Variants in GCGR observed in about 807,000 individuals in gnomAD.
GCGR encodes the protein glucagon receptor.
In GCGR, 41 loss-of-function variants were observed where a neutral mutation model predicts 56.1. The observed-to-expected ratio is 0.73, with a 90% CI of 0.57 to 0.95. The LOEUF is 0.95. GCGR is among the 40% of genes least tolerant of loss of function. The pLI, the probability that GCGR is intolerant of heterozygous loss-of-function variation, is 0.00. For missense variants in GCGR, 595 were observed against 638.2 expected (o/e 0.93, Z 0.73); for synonymous variants, 278 against 271.1 (o/e 1.03, Z -0.25).
intron 2 of GCGR, among the ~76,000 whole-genome samples, chr17:81,809,305 T>A (rs1349760157): frequency 2.0e-5 from 3 of 149,488 alleles, no homozygotes; most frequent in Non-Finnish European, 4.5e-5. Context: ...CCTGTCTGTC[T>A]GCCTGTCCAT....
At position 81,804,551 on chromosome 17, in the gene GCGR, GGCGGCCACACTGCA is replaced by G. The variant is rs909576850; in HGVS notation, c.-178+314_-178+327del. Among the ~76,000 whole-genome samples, 2 of 151,634 alleles carry G rather than the reference GGCGGCCACACTGCA, an allele frequency of 1.3e-5. No homozygotes were observed. The highest frequency in any genetic ancestry group is 2.9e-5 in the Non-Finnish European group (2 of 67,832). Reference sequence around the variant, plus strand: ...TGTCGCTGGCCGCCTGGCGCCCTGCGGCGGCCACACTGCAGCGGCCACACTCCCCACTCAGGGCC... The same window carrying G: ...TGTCGCTGGCCGCCTGGCGCCCTGCGGCGGCCACACTCCCCACTCAGGGCC... On this transcript the variant is annotated intron_variant, in intron 1 of 13. Coordinates refer to ENST00000400723, the MANE Select transcript of GCGR (RefSeq NM_000160.5). This position sits in a 1 kb window ranked among gnomAD's most constrained non-coding sequence, Gnocchi z 8.2.
chr17:81,809,765 G>A lies in GCGR; in HGVS notation c.61-17G>A, dbSNP rs371008355. ...TGTCTGTCTGTCTGTCTGGTTGCTT[G>A]TGCATGTGTCCCCCAGCCACAGGTC... On this transcript the variant is annotated splice_polypyrimidine_tract_variant and intron_variant, in intron 2 of 13. Transcript: ENST00000400723. The A allele has an allele frequency of 1.4e-5, 21 of 1,530,766 alleles. No homozygotes were observed. Among genetic ancestry groups the A allele is most frequent in the South Asian group, 6.0e-5 (5 of 83,966 alleles). 94.8% of individuals were successfully genotyped at this position (1,530,766 alleles called of 1,614,324 possible). A position where few individuals can be genotyped will look rare whatever the true frequency, so the allele number is the denominator to read the frequency against.
rs988879525 is a variant in GCGR at position 81,812,691 on chromosome 17, C to T, written c.1037+26C>T. On this transcript the variant is annotated intron_variant, in intron 11 of 13. Coordinates refer to ENST00000400723, the MANE Select transcript of GCGR (RefSeq NM_000160.5). The surrounding 1 kb of genome is among the most constrained non-coding windows in gnomAD (Gnocchi z 8.5). ...GTGGGTGCCGCGGCAGCTGGCGTCTCGAGACCTGGAGACCCTCAGGGCCAG... is the reference window on the plus strand; with the variant it reads ...GTGGGTGCCGCGGCAGCTGGCGTCTTGAGACCTGGAGACCCTCAGGGCCAG... 2.0e-6 allele frequency: 3 copies of T among 1,531,252 alleles called. No individual in the cohort carries two copies. Among genetic ancestry groups the T allele is most frequent in the East Asian group, 2.5e-5 (1 of 40,738 alleles). 94.9% of individuals were successfully genotyped at this position (1,531,252 alleles called of 1,614,324 possible).
intron 1 of GCGR, among the ~76,000 whole-genome samples, 161 bp from the exon 2 acceptor site, chr17:81,808,681 G>C (rs1334170487): frequency 6.6e-6 from 1 of 152,080 alleles, no homozygotes; most frequent in African/African-American, 2.4e-5. Context: ...CACCACGCCT[G>C]GCTAATTTTT....
chr17:81,811,911 C>T lies in GCGR; in HGVS notation c.843C>T (p.Pro281=). Reference sequence around the variant, plus strand: ...GTGCCCCCATGCTGTTCGTCGTCCCCTGGGCAGTGGTCAAGTGTCTGTTCG... The same window carrying T: ...GTGCCCCCATGCTGTTCGTCGTCCCTTGGGCAGTGGTCAAGTGTCTGTTCG... The part of the protein sequence containing the change: ...GWGAPMLFVV[P]WAVVKCLFEN... The change falls in exon 9 of 14, where the codon CCC becomes CCT. Residue 281 remains proline (P), a synonymous_variant. Coordinates refer to ENST00000400723, the MANE Select transcript of GCGR (RefSeq NM_000160.5). This position sits in a 1 kb window ranked among gnomAD's most constrained non-coding sequence, Gnocchi z 5.8. 6.5e-7 allele frequency: 1 copy of T among 1,537,118 alleles called. No homozygotes were observed. The highest frequency in any genetic ancestry group is 1.2e-5 in the South Asian group (1 of 84,058).
In GCGR at chr17:81,811,947, G is replaced by A. The variant is rs1196700266; in HGVS notation, c.878+1G>A. ...TCAAGTGTCTGTTCGAGAACGTCCA[G>A]TGAGTATGAGCGGCTGGACAGCCTG... On this transcript the variant is annotated splice_donor_variant, in intron 9 of 13. Transcript: ENST00000400723. LOFTEE classifies it high-confidence loss of function. The surrounding 1 kb of genome is among the most constrained non-coding windows in gnomAD (Gnocchi z 5.8). 6.5e-7 allele frequency: 1 copy of A among 1,537,038 alleles called. No individual in the cohort carries two copies. The highest frequency in any genetic ancestry group is 1.2e-5 in the South Asian group (1 of 84,060).
rs757412889 is a variant in GCGR, at chr17:81,810,829, G to C, written c.168G>C (p.Leu56=). ...CTGCCCTACCCTACCCTGCAGAGCT[G>C]GTGTGCAACAGAACCTTCGACAAGT... The part of the protein sequence containing the change: ...NLSLLPPPTE[L]VCNRTFDKYS... Residue 56 remains leucine, a synonymous_variant, in exon 4 of 14, where the codon CTG becomes CTC. Transcript: ENST00000400723. This position sits in a 1 kb window ranked among gnomAD's most constrained non-coding sequence, Gnocchi z 4.6. 2.0e-6 allele frequency: 3 copies of C among 1,536,776 alleles called. No individual in the cohort carries two copies. Among genetic ancestry groups the C allele is most frequent in the Non-Finnish European group, 8.7e-7 (1 of 1,146,924 alleles).
chr17:81,806,306 C>G lies in GCGR; in HGVS notation c.-178+2057C>G, dbSNP rs2037964091. On this transcript the variant is annotated intron_variant, in intron 1 of 13. Transcript: ENST00000400723. This position sits in a 1 kb window ranked among gnomAD's most constrained non-coding sequence, Gnocchi z 6.5. ...CAGTGGAGAATTGCCTCCCACCTCA[C>G]CTCTTGTATTCAGAGGCCCTGACCC... is the stretch of plus-strand genomic sequence containing the variant. Among the ~76,000 whole-genome samples, 1 of 152,152 alleles carries G rather than the reference C, an allele frequency of 6.6e-6. No individual in the cohort carries two copies. The highest frequency in any genetic ancestry group is 1.5e-5 in the Non-Finnish European group (1 of 68,014).
Position 81,812,447 on chromosome 17 carries a change from C to A in GCGR, c.949-130C>A. The A allele has an allele frequency of 9.3e-7, 1 of 1,075,950 alleles. No homozygotes were observed. Among genetic ancestry groups the A allele is most frequent in the Non-Finnish European group, 1.3e-6 (1 of 751,120 alleles). The allele number at this position is 1,075,950 out of a possible 1,614,324, so 66.7% of individuals were successfully genotyped here. The stretch of plus-strand genomic sequence containing the variant: ...TCCCTGGCTGTGTGCCCACCAGCCC[C>A]AGGGCTATGTGGCCCAGGGCCTATC... On this transcript the variant is annotated intron_variant, in intron 10 of 13. Transcript: ENST00000400723. This position sits in a 1 kb window ranked among gnomAD's most constrained non-coding sequence, Gnocchi z 8.5.
In GCGR at chr17:81,811,677, G is replaced by C; in HGVS notation, c.684G>C (p.Ala228=). ...DGAVAGCRVA[A]VFMQYGIVAN... is the part of the protein sequence containing the mutation. ...CGGTGGCTGGCTGCCGTGTGGCCGC[G>C]GTGTTCATGCAATATGGCATCGTGG... Residue 228 remains alanine, a synonymous_variant, in exon 8 of 14, where the codon GCG becomes GCC. Transcript: ENST00000400723. This position sits in a 1 kb window ranked among gnomAD's most constrained non-coding sequence, Gnocchi z 5.8. 1 of 1,538,244 alleles carries C rather than the reference G, an allele frequency of 6.5e-7. No homozygotes were observed. The highest frequency in any genetic ancestry group is 8.7e-7 in the Non-Finnish European group (1 of 1,147,886).
chr17:81,812,265 A>T lies in GCGR; in HGVS notation c.948+13A>T. ...CCTGGCCATCCTGGTGAGGAAATGA[A>T]GAGCCAGGAGCGCACCCCAGGCCCC... On this transcript the variant is annotated intron_variant, in intron 10 of 13. Coordinates refer to ENST00000400723, the MANE Select transcript of GCGR (RefSeq NM_000160.5). The surrounding 1 kb of genome is among the most constrained non-coding windows in gnomAD (Gnocchi z 8.5). The T allele has an allele frequency of 6.5e-7, 1 of 1,535,148 alleles. No homozygotes were observed.
In GCGR at chr17:81,811,666, C is replaced by T. The variant is rs1315813878; in HGVS notation, c.673C>T (p.Arg225Cys). Residue 225 changes from arginine (R) to cysteine (C), a missense_variant, in exon 8 of 14, where the codon CGT becomes TGT. Transcript: ENST00000400723. This position sits in a 1 kb window ranked among gnomAD's most constrained non-coding sequence, Gnocchi z 5.8. ...WLSDGAVAGC[R>C]VAAVFMQYGI... ...CCTGTACCAGGCGGTGGCTGGCTGC[C>T]GTGTGGCCGCGGTGTTCATGCAATA... 4 of 1,536,852 alleles carry T rather than the reference C, an allele frequency of 2.6e-6. No individual in the cohort carries two copies. The highest frequency in any genetic ancestry group is 1.4e-5 in the African/African-American group (1 of 73,172).
intron 2 of GCGR, among the ~76,000 whole-genome samples, chr17:81,809,400 T>TGTCTGCCTGTCCGTCTGCCTGCCTGTCC (rs1198077674): frequency 7.3e-6 from 1 of 137,662 alleles, no homozygotes; most frequent in East Asian, 2.3e-4. Context: ...TCCGTCTGCC[T>TGTCTGCCTGTCCGTCTGCCTGCCTGTCC]GTCTGCCTGT....
In GCGR at chr17:81,812,781, G is replaced by A. The variant is rs562670021; in HGVS notation, c.1038-26G>A. ...GGTGCGGGCCGAGGGTGGGGGCGGT[G>A]GGTGACTCAGGCGCTGCCTCTGCAG... On this transcript the variant is annotated intron_variant, in intron 11 of 13. Transcript: ENST00000400723. The surrounding 1 kb of genome is among the most constrained non-coding windows in gnomAD (Gnocchi z 8.5). 3.3e-6 allele frequency: 5 copies of A among 1,535,154 alleles called. No homozygotes were observed. The African/African-American group carries it at 5.5e-5, about 17-fold the overall frequency.
At position 81,810,636 on chromosome 17, in the gene GCGR, T is replaced by C. The variant is rs1373865927; in HGVS notation, c.164-189T>C. On this transcript the variant is annotated intron_variant, in intron 3 of 13. Coordinates refer to ENST00000400723, the MANE Select transcript of GCGR (RefSeq NM_000160.5). This position sits in a 1 kb window ranked among gnomAD's most constrained non-coding sequence, Gnocchi z 4.6. ...AGGCTGGTCCAGGGGAGGTGGATGG[T>C]CAGGTGAGGAAGGTGGAGGTCAGAT... Among the ~76,000 whole-genome samples, 24 of 150,382 alleles carry C rather than the reference T, an allele frequency of 1.6e-4. No homozygotes were observed. Among genetic ancestry groups the C allele is most frequent in the East Asian group, 3.9e-4 (2 of 5,078 alleles).
Position 81,810,140 on chromosome 17 carries a change from T to C in GCGR, c.163+256T>C. 7.1e-6 allele frequency: 4 copies of C among 566,676 alleles called. No homozygotes were observed. Among genetic ancestry groups the C allele is most frequent in the Non-Finnish European group, 1.3e-5 (4 of 309,886 alleles). The allele number at this position is 566,676 out of a possible 1,614,324, so 35.1% of individuals were successfully genotyped here. Reference sequence around the variant, plus strand: ...TTGCCCCAGAACCGGCTGCTGCTGCTGCCCCCAGGCCCAGATGGGTAATAC... The same window carrying C: ...TTGCCCCAGAACCGGCTGCTGCTGCCGCCCCCAGGCCCAGATGGGTAATAC... On this transcript the variant is annotated intron_variant, in intron 3 of 13. Transcript: ENST00000400723. This position sits in a 1 kb window ranked among gnomAD's most constrained non-coding sequence, Gnocchi z 4.6.
rs1374070044 is a variant in GCGR at position 81,806,570 on chromosome 17, G to A, written c.-177-2272G>A. 2.6e-5 allele frequency among the ~76,000 whole-genome samples: 4 copies of A among 152,182 alleles called. No homozygotes were observed. The highest frequency in any genetic ancestry group is 5.9e-5 in the Non-Finnish European group (4 of 68,028). On this transcript the variant is annotated intron_variant, in intron 1 of 13. Transcript: ENST00000400723. This position sits in a 1 kb window ranked among gnomAD's most constrained non-coding sequence, Gnocchi z 6.5. ...TCCAGACTGGCTGCCCGGCTGGAAG[G>A]TGGGGCCCTGGCACGCGAGGACCTC...
chr17:81,809,071 C>A lies in GCGR; in HGVS notation c.53C>A (p.Ala18Asp), dbSNP rs1335228562. The A allele has an allele frequency of 5.9e-6, 9 of 1,535,890 alleles. No homozygotes were observed. In the East Asian group the frequency reaches 9.8e-5, roughly 17 times the overall value. ...CTGCTGCTGTTGCTGCTGCTGCTGG[C>A]CTGCCAGGTGAGGACTCACAGCACC... ...RPLLLLLLLL[A>D]CQPQVPSAQV... The change falls in exon 2 of 14, where the codon GCC becomes GAC. Residue 18 changes from alanine to aspartate, a missense_variant. By Grantham distance (126) the Ala-to-Asp change is moderately radical. Transcript: ENST00000400723.
Position 81,812,451 on chromosome 17 carries a change from G to A in GCGR, c.949-126G>A, listed in dbSNP as rs2038121921. On this transcript the variant is annotated intron_variant, in intron 10 of 13. Coordinates refer to ENST00000400723, the MANE Select transcript of GCGR (RefSeq NM_000160.5). The surrounding 1 kb of genome is among the most constrained non-coding windows in gnomAD (Gnocchi z 8.5). ...TGGCTGTGTGCCCACCAGCCCCAGG[G>A]CTATGTGGCCCAGGGCCTATCTTGC... is the stretch of plus-strand genomic sequence containing the variant. 2 of 1,083,828 alleles carry A rather than the reference G, an allele frequency of 1.8e-6. No individual in the cohort carries two copies. The highest frequency in any genetic ancestry group is 2.3e-5 in the Admixed American group (1 of 43,792). The allele number at this position is 1,083,828 out of a possible 1,614,324, so 67.1% of individuals were successfully genotyped here. A position where few individuals can be genotyped will look rare whatever the true frequency, so the allele number is the denominator to read the frequency against.
Sources: allele counts gnomAD v4.1 joint callset (sites outside exome capture counted in the v4.1 genomes callset), GRCh38; gene constraint gnomAD v4.1.1; non-coding constraint Gnocchi (gnomAD v3.1); transcripts MANE v1.5; gene names NCBI Gene and HGNC (gene_info 2026-07-23, HGNC 2026-07-21).